ADAMTSL1: variants seen among roughly 807,000 people sequenced by gnomAD.
ADAMTSL1 encodes the protein ADAMTS like 1.
Under a neutral mutation model 201.8 loss-of-function variants are expected in ADAMTSL1, and 126 were observed. The observed-to-expected ratio is 0.62, with a 90% CI of 0.54 to 0.72. ADAMTSL1 has a LOEUF of 0.72. Among genes scored for constraint, ADAMTSL1 ranks in the 30% least tolerant of loss-of-function variants. The pLI is 0.00. For missense variants in ADAMTSL1, 2,679 were observed against 2,277.8 expected, an observed-to-expected ratio of 1.18 and a Z score of -3.59; for synonymous variants, 1,121 against 903.4, an observed-to-expected ratio of 1.24 and a Z score of -4.32.
chr9:18,621,708 C>T (rs922800718), intron 4 of ADAMTSL1, among the ~76,000 whole-genome samples: 1 of 152,094 alleles, frequency 6.6e-6, no homozygotes, highest in Non-Finnish European at 1.5e-5. Flanking sequence ...TGAGGGCCTA[C>T]AATTGACCAA....
At chr9:18,403,210 G>A (rs1295287175) in intron 2 of ADAMTSL1, among the ~76,000 whole-genome samples, 2 of 151,306 alleles carry the variant, frequency 1.3e-5, no homozygotes, top group African/African-American at 2.4e-5. Flanking sequence ...TTGAGATGGA[G>A]TCTTGCCCTG....
At chr9:18,465,144 A>C (rs1396124331) in intron 2 of ADAMTSL1, among the ~76,000 whole-genome samples, 1 of 152,212 alleles carries the variant, frequency 6.6e-6, no homozygotes, top group Non-Finnish European at 1.5e-5. Context: ...GCCGTTAATC[A>C]AAGCCAGGGG....
intron 2 of ADAMTSL1, among the ~76,000 whole-genome samples, chr9:18,203,815 A>C (rs188323475): frequency 1.1e-4 from 16 of 152,278 alleles, no homozygotes; most frequent in African/African-American, 3.6e-4. Flanking sequence ...TTTGGCCTAA[A>C]CTTCACACAT....
intron 2 of ADAMTSL1, among the ~76,000 whole-genome samples, chr9:18,277,778 T>C (rs1832641358): frequency 6.6e-6 from 1 of 152,194 alleles, no homozygotes; most frequent in Admixed American, 6.5e-5. Flanking sequence ...ATTTAAATAA[T>C]TGCTGATAGG....
intron 1 of ADAMTSL1, among the ~76,000 whole-genome samples, chr9:18,132,435 G>A (rs145044709): frequency 4.6e-5 from 7 of 152,202 alleles, no homozygotes; most frequent in Non-Finnish European, 1.0e-4. Context: ...TCTACCCATT[G>A]AACAGTGTCT....
At chr9:18,296,555 G>T (rs1471634860) in intron 2 of ADAMTSL1, among the ~76,000 whole-genome samples, 2 of 151,912 alleles carry the variant, frequency 1.3e-5, no homozygotes, top group East Asian at 1.9e-4. Context: ...AATAAATTTG[G>T]TAAAACCTTA....
At chr9:18,266,650 C>T (rs571594645) in intron 2 of ADAMTSL1, among the ~76,000 whole-genome samples, 23 of 152,170 alleles carry the variant, frequency 1.5e-4, no homozygotes, top group Non-Finnish European at 2.5e-4. Flanking sequence ...AAGAGTCACC[C>T]TCCGGAAGGA....
chr9:17,996,500 TC>T (rs1394125832), intron 1 of ADAMTSL1, among the ~76,000 whole-genome samples: 17 of 152,192 alleles, frequency 1.1e-4, no homozygotes, highest in Admixed American at 3.3e-4. Flanking sequence ...AACACAGGGA[TC>T]ATTGGGCAAG....
chr9:18,062,325 A>G (rs1202463794), intron 1 of ADAMTSL1, among the ~76,000 whole-genome samples: 1 of 152,168 alleles, frequency 6.6e-6, no homozygotes, highest in Non-Finnish European at 1.5e-5. Flanking sequence ...TATTGAGTTA[A>G]AAGTATTGAG....
chr9:18,254,652 C>A (rs1341756941), intron 2 of ADAMTSL1, among the ~76,000 whole-genome samples: 1 of 145,528 alleles, frequency 6.9e-6, no homozygotes, highest in Non-Finnish European at 1.5e-5. Flanking sequence ...CGTGAGCCAC[C>A]GCGCCTGCCC....
intron 3 of ADAMTSL1, among the ~76,000 whole-genome samples, chr9:18,543,583 C>T (rs1392188339): frequency 1.3e-5 from 2 of 152,062 alleles, no homozygotes; most frequent in African/African-American, 2.4e-5. Context: ...ATTTCTTTTT[C>T]GCTAGTTAAA....
At chr9:18,246,962 A>G (rs954953268) in intron 2 of ADAMTSL1, among the ~76,000 whole-genome samples, 11 of 152,310 alleles carry the variant, frequency 7.2e-5, no homozygotes, top group South Asian at 6.2e-4. Context: ...AGGAACTCCT[A>G]ACCTCGGGTT....
At chr9:18,839,748 C>G (rs529080583) in intron 23 of ADAMTSL1, among the ~76,000 whole-genome samples, 1 of 152,152 alleles carries the variant, frequency 6.6e-6, no homozygotes, top group South Asian at 2.1e-4. Context: ...GAGGTGGTAT[C>G]TCATTGTGGT....
chr9:18,665,129 A>G (rs1829352825), intron 9 of ADAMTSL1, among the ~76,000 whole-genome samples: 1 of 152,034 alleles, frequency 6.6e-6, no homozygotes, highest in Non-Finnish European at 1.5e-5. Flanking sequence ...AGCTGTAAAA[A>G]CAGTTTTCAT....
rs578107950 is a variant in ADAMTSL1, at chr9:18,245,502, T to A, written c.207+81521T>A. 3.9e-5 allele frequency among the ~76,000 whole-genome samples: 6 copies of A among 152,210 alleles called. No individual in the cohort carries two copies. In the South Asian group the frequency reaches 1.2e-3, roughly 32 times the overall value. ...GAGTATCACCCAAGCAAAGGCACTT[T>A]AGGCTAATACAAAAACTGGAGTTGA... On this transcript the variant is annotated intron_variant, in intron 2 of 29. Transcript: ENST00000680146.
intron 23 of ADAMTSL1, among the ~76,000 whole-genome samples, chr9:18,850,841 C>G (rs751021218): frequency 6.6e-6 from 1 of 152,178 alleles, no homozygotes; most frequent in Non-Finnish European, 1.5e-5. Context: ...TTCCCTTTGA[C>G]AAAACCAGCC....
intron 2 of ADAMTSL1, among the ~76,000 whole-genome samples, chr9:18,224,927 C>T (rs1036843965): frequency 6.6e-6 from 1 of 151,966 alleles, no homozygotes; most frequent in South Asian, 2.1e-4. Flanking sequence ...TTAATTTTTT[C>T]CCATTTTTTT....
chr9:18,792,675 G>C (rs558648365), intron 19 of ADAMTSL1, among the ~76,000 whole-genome samples: 1 of 152,000 alleles, frequency 6.6e-6, no homozygotes, highest in Non-Finnish European at 1.5e-5. Flanking sequence ...AATATTCCTG[G>C]GACATCCTAA....
At chr9:18,900,132 C>G (rs915790202) in intron 26 of ADAMTSL1, among the ~76,000 whole-genome samples, 7 of 152,260 alleles carry the variant, frequency 4.6e-5, no homozygotes, top group African/African-American at 1.7e-4. Context: ...CATGAACAGA[C>G]AGTTCTCAAA....
Sources: gnomAD v4.1 joint callset for allele counts (sites outside exome capture counted in the v4.1 genomes callset) on GRCh38, gnomAD v4.1.1 for gene constraint, MANE v1.5 for transcripts, NCBI Gene and HGNC (gene_info 2026-07-23, HGNC 2026-07-21) for gene names.